Variants in ADCY2 observed in about 807,000 individuals in gnomAD.
ADCY2 encodes adenylate cyclase type 2.
In ADCY2, 31 loss-of-function variants were observed where a neutral mutation model predicts 125.2. The ratio of observed to expected loss-of-function variants is 0.25; its 90% CI spans 0.19 to 0.33. The LOEUF (loss-of-function observed/expected upper bound fraction) is 0.33, where lower values mean the gene tolerates loss of function less well. Ranked by LOEUF, ADCY2 falls within the 10% of genes least tolerant of loss-of-function variation. ADCY2 has a pLI of 1.00. For missense variants in ADCY2, 904 were observed against 1,418.2 expected, an observed-to-expected ratio of 0.64 and a Z score of 5.82; for synonymous variants, 512 against 548.4, an observed-to-expected ratio of 0.93 and a Z score of 0.93.
chr5:7,825,212 G>A (rs1020386546), intron 24 of ADCY2, among the ~76,000 whole-genome samples: 5 of 152,030 alleles, frequency 3.3e-5, no homozygotes, highest in Admixed American at 2.0e-4. Context: ...CCACGACAAC[G>A]CTGCTGTGCG....
chr5:7,760,253 G>T (rs573859280), intron 16 of ADCY2, among the ~76,000 whole-genome samples: 1 of 152,350 alleles, frequency 6.6e-6, no homozygotes, highest in Non-Finnish European at 1.5e-5. Context: ...TTATGCATTA[G>T]TCCTGCTCTT....
At chr5:7,458,050 G>C (rs1741764687) in intron 2 of ADCY2, among the ~76,000 whole-genome samples, 1 of 152,154 alleles carries the variant, frequency 6.6e-6, no homozygotes, top group African/African-American at 2.4e-5. Flanking sequence ...TGCACACTTT[G>C]TGTAGAGGTT....
rs569499599 is a variant in ADCY2 at position 7,459,508 on chromosome 5, C to T, written c.408+44738C>T. 1.2e-4 allele frequency among the ~76,000 whole-genome samples: 19 copies of T among 152,226 alleles called. 1 individual carries two copies. In the South Asian group the frequency reaches 3.5e-3, roughly 28 times the overall value. ...TTGAGATTTGCTTTTCCTAGTAATT[C>T]GCCTCCAAGCAGTGGGTCTTGTTTA... On this transcript the variant is annotated intron_variant, in intron 2 of 24. Transcript: ENST00000338316.
At chr5:7,683,653 T>G (rs1740412839) in intron 4 of ADCY2, among the ~76,000 whole-genome samples, 1 of 152,136 alleles carries the variant, frequency 6.6e-6, no homozygotes, top group African/African-American at 2.4e-5. Context: ...CAAGGTACAT[T>G]GCCTCCCAGG....
chr5:7,479,716 A>G (rs1742658067), intron 2 of ADCY2, among the ~76,000 whole-genome samples: 1 of 152,022 alleles, frequency 6.6e-6, no homozygotes, highest in Admixed American at 6.5e-5. Context: ...TGTACCCATT[A>G]TCCATACCCA....
chr5:7,613,914 G>A (rs1864089), intron 3 of ADCY2, among the ~76,000 whole-genome samples: 94,343 of 152,052 alleles, frequency 0.62, 29,909 homozygotes, highest in Non-Finnish European at 0.67. Context: ...ATTATTTACT[G>A]TACAAAAGAA....
chr5:7,492,961 C>T (rs1336216078), intron 2 of ADCY2, among the ~76,000 whole-genome samples: 1 of 152,070 alleles, frequency 6.6e-6, no homozygotes. Context: ...AGGGCCCGGG[C>T]TGCATCCTGA....
intron 17 of ADCY2, among the ~76,000 whole-genome samples, chr5:7,767,999 C>T (rs185967597): frequency 6.6e-6 from 1 of 151,652 alleles, no homozygotes; most frequent in East Asian, 2.0e-4. Context: ...CCACTGCACT[C>T]CAGCCTGGGC....
intron 20 of ADCY2, chr5:7,799,438 T>C (rs532533947): frequency 6.6e-6 from 1 of 152,370 alleles, no homozygotes; most frequent in South Asian, 2.1e-4. Context: ...GTTATAGTCT[T>C]ATGGAAGCCC....
At chr5:7,696,894 G>C (rs375649539) in intron 6 of ADCY2, among the ~76,000 whole-genome samples, 2 of 152,166 alleles carry the variant, frequency 1.3e-5, no homozygotes, top group Admixed American at 1.3e-4. Context: ...CCAAAGGAAG[G>C]GGGTGAGTTT....
At chr5:7,397,473 T>A (rs927620718) in intron 1 of ADCY2, among the ~76,000 whole-genome samples, 1 of 147,976 alleles carries the variant, frequency 6.8e-6, no homozygotes, top group Non-Finnish European at 1.5e-5. Flanking sequence ...TTTTTTTTTT[T>A]AGTCAGTGGT....
At chr5:7,707,457 G>T (rs1741300146) in intron 8 of ADCY2, among the ~76,000 whole-genome samples, 1 of 152,274 alleles carries the variant, frequency 6.6e-6, no homozygotes, top group Non-Finnish European at 1.5e-5. Context: ...TAATCAAGTT[G>T]TATTTGCTAT....
At chr5:7,717,839 C>A (rs904388641) in intron 12 of ADCY2, among the ~76,000 whole-genome samples, 4 of 152,172 alleles carry the variant, frequency 2.6e-5, no homozygotes, top group Non-Finnish European at 5.9e-5. Flanking sequence ...TTCATGTTCT[C>A]CTTGGGTACG....
At chr5:7,579,616 A>G (rs564167628) in intron 3 of ADCY2, among the ~76,000 whole-genome samples, 1 of 152,326 alleles carries the variant, frequency 6.6e-6, no homozygotes, top group East Asian at 1.9e-4. Context: ...ACTCCTACTA[A>G]AATGAAACAA....
intron 2 of ADCY2, among the ~76,000 whole-genome samples, chr5:7,494,839 T>G (rs1743290440): frequency 6.6e-6 from 1 of 152,160 alleles, no homozygotes; most frequent in Non-Finnish European, 1.5e-5. Flanking sequence ...TTTGATTAGT[T>G]GAACTTGTAG....
rs1741381844 is a variant in ADCY2, at chr5:7,709,820, A to C, written c.1578+433A>C. Among the ~76,000 whole-genome samples the C allele has an allele frequency of 1.3e-5, 2 of 152,220 alleles. No homozygotes were observed. The highest frequency in any genetic ancestry group is 6.5e-5 in the Admixed American group (1 of 15,290). On this transcript the variant is annotated intron_variant, in intron 10 of 24. Coordinates refer to ENST00000338316, the MANE Select transcript of ADCY2 (RefSeq NM_020546.3). The surrounding 1 kb of genome is among the most constrained non-coding windows in gnomAD (Gnocchi z 4.4). The stretch of plus-strand genomic sequence containing the variant: ...CAAATGTCCAGGCTGTGTGGGCAGC[A>C]GTGGATACTATCTTGTTATGGTTCC...
chr5:7,739,360 A>C (rs189118339), intron 14 of ADCY2, among the ~76,000 whole-genome samples: 6 of 152,048 alleles, frequency 3.9e-5, no homozygotes, highest in African/African-American at 1.2e-4. Flanking sequence ...GAAATGTAAA[A>C]ATGTTTAAAT....
At chr5:7,807,451 T>G (rs1384183922) in intron 22 of ADCY2, among the ~76,000 whole-genome samples, 2 of 152,212 alleles carry the variant, frequency 1.3e-5, no homozygotes, top group African/African-American at 2.4e-5. Flanking sequence ...CTCTGAGCAT[T>G]CGTCCTAGGT....
rs568419139 is a variant in ADCY2 at position 7,671,230 on chromosome 5, T to G, written c.721-19461T>G. On this transcript the variant is annotated intron_variant, in intron 4 of 24. Transcript: ENST00000338316. ...GATCTGGTTTTCAATGGAATCATATTGTTAAAATTTTGCTTAAGATATGTG... is the reference window on the plus strand; with the variant it reads ...GATCTGGTTTTCAATGGAATCATATGGTTAAAATTTTGCTTAAGATATGTG... Among the ~76,000 whole-genome samples, 10 of 152,338 alleles carry G rather than the reference T, an allele frequency of 6.6e-5. 1 individual carries two copies. In the South Asian group the frequency reaches 2.1e-3, roughly 32 times the overall value.
Sources: allele counts gnomAD v4.1 joint callset (sites outside exome capture counted in the v4.1 genomes callset), GRCh38; gene constraint gnomAD v4.1.1; non-coding constraint Gnocchi (gnomAD v3.1); transcripts MANE v1.5; gene names NCBI Gene and HGNC (gene_info 2026-07-23, HGNC 2026-07-21).